The following AZIN2 variants were observed in gnomAD, a reference collection of about 807,000 sequenced individuals.
AZIN2 encodes the protein antizyme inhibitor 2, also known as ODC antizyme inhibitor-2.
Under a neutral mutation model 47.8 loss-of-function variants are expected in AZIN2, and 28 were observed. The ratio of observed to expected loss-of-function variants is 0.59; its 90% CI spans 0.43 to 0.80. The LOEUF (loss-of-function observed/expected upper bound fraction) is 0.80, where lower values mean the gene tolerates loss of function less well. AZIN2 is among the 30% of genes least tolerant of loss of function. The pLI, the probability that AZIN2 is intolerant of heterozygous loss-of-function variation, is 0.00. For missense variants in AZIN2, 535 were observed against 582.5 expected (o/e 0.92, Z 0.84); for synonymous variants, 221 against 239.4 (o/e 0.92, Z 0.71).
chr1:33,159,756 G>A, the AZIN2 span: 1 of 1,613,456 alleles, frequency 6.2e-7, no homozygotes, highest in Non-Finnish European at 8.5e-7. The surrounding 1 kb of genome is among the most constrained non-coding windows in gnomAD (Gnocchi z 4.2). Context: ...GCTCCTGCAG[G>A]ATCTGGGCTC....
the AZIN2 span, chr1:33,142,930 C>T: frequency 1.2e-4 from 19 of 152,134 alleles, no homozygotes; most frequent in African/African-American, 4.1e-4. Flanking sequence ...GGGCGTGTCT[C>T]GATGGTTAGA....
chr1:33,111,636 CTT>C (rs960015376), intron 10 of AZIN2, among the ~76,000 whole-genome samples: 11 of 149,332 alleles, frequency 7.4e-5, no homozygotes, highest in African/African-American at 2.7e-4. Context: ...GAGACGGAGT[CTT>C]TTTCTGTCGC....
At chr1:33,094,443 T>C in intron 7 of AZIN2, 105 bp from the exon 8 acceptor site, 1 of 1,208,348 alleles carries the variant, frequency 8.3e-7, no homozygotes, top group South Asian at 1.4e-5. Flanking sequence ...ATCTGTAAAA[T>C]GGGCACAGTG....
chr1:33,119,791 A>C, intron 11 of AZIN2: 1 of 565,640 alleles, frequency 1.8e-6, no homozygotes, highest in Non-Finnish European at 3.2e-6. Context: ...CAAATAGATA[A>C]TATAAGTGCC....
At chr1:33,104,125 T>C (rs151327926) in intron 10 of AZIN2, among the ~76,000 whole-genome samples, 4 of 152,156 alleles carry the variant, frequency 2.6e-5, no homozygotes, top group Non-Finnish European at 4.4e-5. Context: ...TCAAGTGATC[T>C]GCCCGCCTCG....
intron 5 of AZIN2, among the ~76,000 whole-genome samples, chr1:33,090,486 C>T (rs1310860767): frequency 6.6e-6 from 1 of 152,180 alleles, no homozygotes; most frequent in Non-Finnish European, 1.5e-5. Flanking sequence ...GGGCCGTGCA[C>T]AGAGTAGGCC....
At position 33,084,053 on chromosome 1, in the gene AZIN2, G is replaced by C; in HGVS notation, c.205G>C (p.Val69Leu). The C allele has an allele frequency of 6.2e-7, 1 of 1,614,086 alleles. No homozygotes were observed. The change falls in exon 5 of 12, where the codon GTC becomes CTC. Residue 69 changes from valine to leucine, a missense_variant. This residue lies in a region of AZIN2 where 409 missense variants were observed against 429.0 expected (regional missense o/e 0.95). Transcript: ENST00000294517. ...CLPRVRPFYA[V>L]KCNSSPGVLK... The stretch of plus-strand genomic sequence containing the variant: ...GCCACGAGTCCGGCCCTTTTATGCT[G>C]TCAAGTGCAACAGCAGCCCAGGTGT...
At chr1:33,089,842 C>A (rs775922984) in intron 5 of AZIN2, among the ~76,000 whole-genome samples, 1 of 152,210 alleles carries the variant, frequency 6.6e-6, no homozygotes. Context: ...ATTACAAAAT[C>A]AGGATGGCTA....
chr1:33,115,257 G>A (rs1448669555), intron 10 of AZIN2, among the ~76,000 whole-genome samples: 1 of 152,146 alleles, frequency 6.6e-6, no homozygotes, highest in African/African-American at 2.4e-5. Context: ...GGAACCCCCT[G>A]CCCTCTCTCA....
chr1:33,144,961 A>G, the AZIN2 span, among the ~76,000 whole-genome samples: 1 of 152,190 alleles, frequency 6.6e-6, no homozygotes, highest in Non-Finnish European at 1.5e-5. Flanking sequence ...ATTATGTGAA[A>G]TTGGTATCCT....
At chr1:33,096,988 G>A in intron 9 of AZIN2, 119 bp downstream of exon 9, 1 of 1,262,772 alleles carries the variant, frequency 7.9e-7, no homozygotes, top group Non-Finnish European at 1.1e-6. Context: ...GAGAATGAAT[G>A]GGTTCTTGCT....
rs534303333 is a variant in AZIN2 at position 33,122,526 on chromosome 1, C to G, written c.*2344C>G. 6.6e-6 allele frequency among the ~76,000 whole-genome samples: 1 copy of G among 152,282 alleles called. No individual in the cohort carries two copies. The highest frequency in any genetic ancestry group is 1.9e-4 in the East Asian group (1 of 5,188). ...TCTTTTTCTAAAGAGAAGAAAAAAG[C>G]CTGAAATGTGGAGAATGGTAAGGGG... On this transcript the variant is annotated 3_prime_UTR_variant, in exon 12 of 12. Transcript: ENST00000294517.
intron 4 of AZIN2, 62 bp from the exon 5 acceptor site, chr1:33,083,892 G>T (rs779238733): frequency 6.3e-7 from 1 of 1,594,142 alleles, no homozygotes. Flanking sequence ...AAGGATCACG[G>T]ATGGCATGCA....
Position 33,082,161 on chromosome 1 carries a change from C to T in AZIN2, c.-72-17C>T. On this transcript the variant is annotated splice_polypyrimidine_tract_variant and intron_variant, in intron 3 of 11. Coordinates refer to ENST00000294517, the MANE Select transcript of AZIN2 (RefSeq NM_052998.4). ...CCGGCCCCCCAGCGGTTCCCTTCAT[C>T]TCCCCTCGCCCCGCAGTGTGTTGCA... 1 of 1,133,830 alleles carries T rather than the reference C, an allele frequency of 8.8e-7. No homozygotes were observed. The highest frequency in any genetic ancestry group is 1.3e-6 in the Non-Finnish European group (1 of 768,920). The allele number at this position is 1,133,830 out of a possible 1,614,324, so 70.2% of individuals were successfully genotyped here.
chr1:33,161,576 C>T, the AZIN2 span, among the ~76,000 whole-genome samples: 3 of 152,130 alleles, frequency 2.0e-5, no homozygotes, highest in Non-Finnish European at 2.9e-5. This position sits in a 1 kb window ranked among gnomAD's most constrained non-coding sequence, Gnocchi z 4.3. Context: ...CCACCCAGAA[C>T]GCCAGGCAGA....
chr1:33,149,218 T>C, the AZIN2 span, among the ~76,000 whole-genome samples: 112 of 152,214 alleles, frequency 7.4e-4, no homozygotes, highest in Non-Finnish European at 1.4e-3. Flanking sequence ...AGTGGCATGA[T>C]CTTGGCCCAC....
chr1:33,112,870 TAATC>T (rs1422426017), intron 10 of AZIN2, among the ~76,000 whole-genome samples: 2 of 152,248 alleles, frequency 1.3e-5, no homozygotes, highest in Non-Finnish European at 1.5e-5. Context: ...ATAGTTTATT[TAATC>T]TAGTTATTAA....
downstream of AZIN2, among the ~76,000 whole-genome samples, chr1:33,126,947 C>T (rs1413748757): frequency 6.6e-6 from 1 of 152,172 alleles, no homozygotes; most frequent in Non-Finnish European, 1.5e-5. Flanking sequence ...AATATGGTAA[C>T]CCTACTCTGG....
chr1:33,103,468 TC>T (rs1318457800), intron 10 of AZIN2, among the ~76,000 whole-genome samples: 1 of 152,186 alleles, frequency 6.6e-6, no homozygotes, highest in Non-Finnish European at 1.5e-5. Flanking sequence ...CTTTCTTATG[TC>T]TCAGCTCAGA....
Sources: gnomAD v4.1 joint callset for allele counts (sites outside exome capture counted in the v4.1 genomes callset) on GRCh38, gnomAD v4.1.1 for gene constraint, gnomAD v4.1.1 regional missense constraint, Gnocchi (gnomAD v3.1) non-coding constraint, MANE v1.5 for transcripts, NCBI Gene and HGNC (gene_info 2026-07-23, HGNC 2026-07-21) for gene names.